Variants in TMEM67 observed in about 807,000 individuals in gnomAD.
The protein encoded by TMEM67 is meckelin.
TMEM67 carries 124 observed loss-of-function variants against 136.6 expected under a neutral mutation model. The observed-to-expected ratio is 0.91, with a 90% CI of 0.78 to 1.05. The LOEUF (loss-of-function observed/expected upper bound fraction) is 1.05. Among genes scored for constraint, TMEM67 ranks in the 50% least tolerant of loss-of-function variants. The probability of loss-of-function intolerance (pLI) is 0.00; values close to 1 mark genes in which losing one functional copy is unlikely to be tolerated. For synonymous variants in TMEM67, 364 were observed against 390.5 expected (o/e 0.93, Z 0.80); for missense variants, 1,107 against 1,178.4 (o/e 0.94, Z 0.89).
At chr8:93,797,062 A>G (rs1400688240) in intron 18 of TMEM67, 72 bp from the exon 19 acceptor site, 10 of 859,004 alleles carry the variant, frequency 1.2e-5, no homozygotes, top group Non-Finnish European at 2.0e-5. Context: ...TTTCTTAAAG[A>G]GTCAATATTG....
At chr8:93,800,052 C>T (rs745383013) in intron 21 of TMEM67, among the ~76,000 whole-genome samples, 7 of 151,866 alleles carry the variant, frequency 4.6e-5, no homozygotes, top group African/African-American at 1.5e-4. Context: ...GGTCTGTAGG[C>T]TCCCACCACT....
intron 18 of TMEM67, among the ~76,000 whole-genome samples, chr8:93,796,370 G>T (rs942672142): frequency 2.0e-5 from 3 of 152,118 alleles, no homozygotes; most frequent in African/African-American, 7.2e-5. Flanking sequence ...AAGTTGTTTT[G>T]TCTGTCTCCA....
At chr8:93,828,315 T>C in the TMEM67 span, among the ~76,000 whole-genome samples, 1 of 152,018 alleles carries the variant, frequency 6.6e-6, no homozygotes. Flanking sequence ...ACCACCACCA[T>C]CACCACCATC....
chr8:93,797,614 C>T, intron 20 of TMEM67, 144 bp downstream of exon 20: 1 of 761,914 alleles, frequency 1.3e-6, no homozygotes, highest in South Asian at 1.7e-5. Flanking sequence ...AAAGGAGTAC[C>T]TTTATGTTAC....
chr8:93,808,847 T>G lies in TMEM67; in HGVS notation c.2447T>G (p.Leu816Trp), dbSNP rs753654003. ...AATTCTTTAACTTTTCAGGAAAATT[T>G]GTGTAGCCAGAGAGGTTTGGTACCC... is the stretch of plus-strand genomic sequence containing the variant. Reference protein sequence around the residue: ...NMNLKREAENLCSQRGLVPNT... With the variant: ...NMNLKREAENWCSQRGLVPNT... The change falls in exon 24 of 28, where the codon TTG becomes TGG. Residue 816 changes from leucine (L) to tryptophan (W), a missense_variant. By Grantham distance (61) the Leu-to-Trp change is moderately conservative (BLOSUM62 -2). Transcript: ENST00000453321. 34 of 1,605,496 alleles carry G rather than the reference T, an allele frequency of 2.1e-5. No individual in the cohort carries two copies. The highest frequency in any genetic ancestry group is 2.9e-5 in the Non-Finnish European group (34 of 1,172,676).
intron 6 of TMEM67, among the ~76,000 whole-genome samples, chr8:93,770,201 A>G (rs1813269071): frequency 6.6e-6 from 1 of 152,184 alleles, no homozygotes; most frequent in South Asian, 2.1e-4. Context: ...ATGTTTTGCC[A>G]CATTTGCTTT....
At position 93,755,028 on chromosome 8, in the gene TMEM67, C is replaced by A. The variant is rs760103712; in HGVS notation, c.114C>A (p.Thr38=). Residue 38 remains threonine, a synonymous_variant, in exon 1 of 28, where the codon ACC becomes ACA. Transcript: ENST00000453321. Reference sequence around the variant, plus strand: ...TCCCTCGCTTCTTACAGGCCCAGACCTTCTCTTTCCCTTTCCAGCAGCCGG... The same window carrying A: ...TCCCTCGCTTCTTACAGGCCCAGACATTCTCTTTCCCTTTCCAGCAGCCGG... ...LFLPRFLQAQ[T]FSFPFQQPEK... is the part of the protein sequence containing the mutation. The A allele has an allele frequency of 1.2e-6, 2 of 1,614,048 alleles. No homozygotes were observed. The highest frequency in any genetic ancestry group is 1.7e-6 in the Non-Finnish European group (2 of 1,180,038).
At chr8:93,821,109 G>A (rs554219400), downstream of TMEM67, among the ~76,000 whole-genome samples, 33 of 152,250 alleles carry the variant, frequency 2.2e-4, no homozygotes, top group South Asian at 6.6e-3. Flanking sequence ...TAAGGGAAAG[G>A]TGTTTTTTAG....
In TMEM67 at chr8:93,809,154, T is replaced by C. The variant is rs1563481671; in HGVS notation, c.2654T>C (p.Ile885Thr). 6.4e-7 allele frequency: 1 copy of C among 1,553,798 alleles called. No homozygotes were observed. Among genetic ancestry groups the C allele is most frequent in the South Asian group, 1.1e-5 (1 of 89,830 alleles). The change falls in exon 25 of 28, where the codon ATT (isoleucine) becomes ACT (threonine). Residue 885 changes from isoleucine (I) to threonine (T), a missense_variant. Physicochemically the swap from Ile to Thr is moderately conservative, Grantham distance 89. Coordinates refer to ENST00000453321, the MANE Select transcript of TMEM67 (RefSeq NM_153704.6). ...ATGAATAAATTTCTTGGCTCCTTCA[T>C]TGACCATGTATGTATGTCAACATTT... ...HMMNKFLGSF[I>T]DHVHKEMDYF... is the part of the protein sequence containing the mutation.
chr8:93,804,679 A>C (rs1460025830), intron 22 of TMEM67, 83 bp from the exon 23 acceptor site: 3 of 745,042 alleles, frequency 4.0e-6, no homozygotes, highest in East Asian at 5.3e-5. Flanking sequence ...TTTGGGAAAA[A>C]GAAAGCAATT....
At chr8:93,810,929 A>G (rs531182487) in intron 26 of TMEM67, among the ~76,000 whole-genome samples, 169 of 152,344 alleles carry the variant, frequency 1.1e-3, no homozygotes, top group Admixed American at 1.7e-3. Flanking sequence ...AACTGGTTTC[A>G]TATTAAAAAG....
chr8:93,826,476 A>T, the TMEM67 span, among the ~76,000 whole-genome samples: 1 of 152,154 alleles, frequency 6.6e-6, no homozygotes, highest in Non-Finnish European at 1.5e-5. Flanking sequence ...GATAAAGTGA[A>T]AGCTGTGTGA....
chr8:93,800,447 A>G (rs191502338), intron 21 of TMEM67, among the ~76,000 whole-genome samples: 1 of 152,314 alleles, frequency 6.6e-6, no homozygotes, highest in Admixed American at 6.5e-5. Context: ...GCAGGACTGA[A>G]TATGGGACTT....
At position 93,763,889 on chromosome 8, in the gene TMEM67, C is replaced by T. The variant is rs1563679425; in HGVS notation, c.454C>T (p.Leu152Phe). The change falls in exon 4 of 28, where the codon CTC becomes TTC. Residue 152 changes from leucine to phenylalanine, a missense_variant. Around this residue, in one of 3 missense-constraint regions of TMEM67, gnomAD observed 925 missense variants for 1,002.4 expected, o/e 0.92. Coordinates refer to ENST00000453321, the MANE Select transcript of TMEM67 (RefSeq NM_153704.6). Reference protein sequence around the residue: ...GTLLSQATCELCDGNENSFMV... With the variant: ...GTLLSQATCEFCDGNENSFMV... ...ATTGTTGTCTCAAGCAACTTGTGAG[C>T]TCTGTGATGGAAATGAAAACTCTTT... The T allele has an allele frequency of 1.2e-6, 2 of 1,613,850 alleles. No homozygotes were observed. Among genetic ancestry groups the T allele is most frequent in the Middle Eastern group, 1.7e-4 (1 of 6,058 alleles).
intron 6 of TMEM67, among the ~76,000 whole-genome samples, chr8:93,766,927 A>T (rs778235815): frequency 6.6e-6 from 1 of 152,202 alleles, no homozygotes; most frequent in Non-Finnish European, 1.5e-5. Context: ...TCTTCTCCAG[A>T]TTGGAGTGAA....
intron 26 of TMEM67, among the ~76,000 whole-genome samples, chr8:93,810,406 C>A (rs938821968): frequency 2.0e-5 from 3 of 151,722 alleles, no homozygotes; most frequent in Admixed American, 6.6e-5. Context: ...CATGGTGAAA[C>A]CCGTCTTTAC....
intron 21 of TMEM67, among the ~76,000 whole-genome samples, chr8:93,800,423 A>G (rs1814821803): frequency 6.6e-6 from 1 of 152,166 alleles, no homozygotes; most frequent in Non-Finnish European, 1.5e-5. Flanking sequence ...AACTTTCTGT[A>G]TAGATGGGTT....
At chr8:93,782,635 G>A (rs1323161617) in intron 11 of TMEM67, among the ~76,000 whole-genome samples, 175 bp downstream of exon 11, 5 of 146,224 alleles carry the variant, frequency 3.4e-5, no homozygotes, top group African/African-American at 1.3e-4. Context: ...GTGCAGTGGT[G>A]CAATCTCAGT....
At chr8:93,782,748 T>C (rs1032625240) in intron 11 of TMEM67, among the ~76,000 whole-genome samples, 2 of 151,790 alleles carry the variant, frequency 1.3e-5, no homozygotes, top group African/African-American at 4.8e-5. Context: ...TAATTTTTTG[T>C]ATTTTTAGTA....
Sources: allele counts gnomAD v4.1 joint callset (sites outside exome capture counted in the v4.1 genomes callset), GRCh38; gene constraint gnomAD v4.1.1; regional missense constraint gnomAD v4.1.1; transcripts MANE v1.5; gene names NCBI Gene and HGNC (gene_info 2026-07-23, HGNC 2026-07-21).